The following DNHD1 variants were observed in gnomAD, a reference collection of about 807,000 sequenced individuals.
DNHD1 encodes the protein dynein heavy chain domain 1.
A neutral mutation model predicts 458.1 loss-of-function variants in DNHD1; 383 were observed. The ratio of observed to expected loss-of-function variants is 0.84; its 90% CI spans 0.77 to 0.91. The LOEUF is 0.91. DNHD1 is among the 40% of genes least tolerant of loss of function. The probability of loss-of-function intolerance (pLI) is 0.00; values close to 1 mark genes in which losing one functional copy is unlikely to be tolerated. For missense variants in DNHD1, 5,336 were observed against 5,866.1 expected, an observed-to-expected ratio of 0.91 and a Z score of 2.95; for synonymous variants, 2,203 against 2,376.9, an observed-to-expected ratio of 0.93 and a Z score of 2.13.
chr11:6,552,434 G>C (rs1853375374), intron 24 of DNHD1, among the ~76,000 whole-genome samples: 1 of 152,102 alleles, frequency 6.6e-6, no homozygotes, highest in African/African-American at 2.4e-5. Context: ...TGAGGCAGGA[G>C]AATCGCTTGA....
At chr11:6,512,219 T>C (rs1227203569) in intron 7 of DNHD1, among the ~76,000 whole-genome samples, 2 of 65,102 alleles carry the variant, frequency 3.1e-5, no homozygotes, top group African/African-American at 1.1e-4. Flanking sequence ...TTCTTTTTTT[T>C]TTTTTTTTTT....
chr11:6,546,262 A>G lies in DNHD1; in HGVS notation c.5323A>G (p.Ser1775Gly). ...GTACCAGGAGGCTTCCCGAAACACA[A>G]GCACCATAGACCCCACCCAGCCCCA... The part of the protein sequence containing the change: ...PLYQEASRNT[S>G]TIDPTQPQLL... Residue 1775 changes from serine to glycine, a missense_variant, in exon 21 of 43, where the codon AGC (serine) becomes GGC (glycine). Physicochemically the swap from Ser to Gly is moderately conservative, Grantham distance 56 (BLOSUM62 0). Transcript: ENST00000254579. 3.9e-6 allele frequency: 6 copies of G among 1,552,352 alleles called. No individual in the cohort carries two copies. Among genetic ancestry groups the G allele is most frequent in the Non-Finnish European group, 5.2e-6 (6 of 1,147,146 alleles).
At chr11:6,517,652 C>CTTTTTTTTTTTTTTTTTTT (rs59300977) in intron 7 of DNHD1, among the ~76,000 whole-genome samples, 2 of 59,066 alleles carry the variant, frequency 3.4e-5, no homozygotes, top group African/African-American at 5.5e-5. Flanking sequence ...TCTAGGACTT[C>CTTTTTTTTTTTTTTTTTTT]TTTTTTTTTT....
In DNHD1 at chr11:6,567,094, AG is replaced by A. The variant is rs781586881; in HGVS notation, c.11587del (p.Ala3863ProfsTer2). 1 of 1,614,042 alleles carries A rather than the reference AG, an allele frequency of 6.2e-7. No homozygotes were observed. The highest frequency in any genetic ancestry group is 1.1e-5 in the South Asian group (1 of 91,088). On this transcript the variant is annotated frameshift_variant, in exon 36 of 43. Coordinates refer to ENST00000254579, the MANE Select transcript of DNHD1 (RefSeq NM_144666.3). LOFTEE classifies it high-confidence loss of function. The stretch of plus-strand genomic sequence containing the variant: ...GTTTGGCATGGAATGGCCATGGTAA[AG>A]GCCCTAAGCCAACTGCAGAACCTGC... The part of the protein sequence containing the change: ...PVVWHGMAMV[K>X]ALSQLQNLLP...
intron 33 of DNHD1, 120 bp downstream of exon 33, chr11:6,566,111 T>C: frequency 6.8e-7 from 1 of 1,467,234 alleles, no homozygotes; most frequent in Non-Finnish European, 9.1e-7. Context: ...GCACTAACTA[T>C]ATTGAAGCGT....
intron 7 of DNHD1, among the ~76,000 whole-genome samples, chr11:6,511,961 G>A (rs1294650194): frequency 1.3e-5 from 2 of 152,132 alleles, no homozygotes; most frequent in African/African-American, 4.8e-5. Context: ...TTGTCAGGTG[G>A]GGCTGGATAT....
At chr11:6,532,046 T>A (rs905291705) in intron 12 of DNHD1, among the ~76,000 whole-genome samples, 1 of 152,178 alleles carries the variant, frequency 6.6e-6, no homozygotes, top group Non-Finnish European at 1.5e-5. Flanking sequence ...TGTAAAATAA[T>A]AGTATTTACT....
At chr11:6,512,164 GTC>G (rs1327663760) in intron 7 of DNHD1, among the ~76,000 whole-genome samples, 2 of 148,874 alleles carry the variant, frequency 1.3e-5, no homozygotes, top group African/African-American at 5.0e-5. Context: ...GAACTCTGAA[GTC>G]TCAAAAATGG....
Position 6,547,262 on chromosome 11 carries a change from T to C in DNHD1, c.6323T>C (p.Leu2108Pro). Residue 2108 changes from leucine (L) to proline (P), a missense_variant, in exon 21 of 43, where the codon CTT becomes CCT. Coordinates refer to ENST00000254579, the MANE Select transcript of DNHD1 (RefSeq NM_144666.3). ...ITCLLSELPQ[L>P]SLPSGQQIAR... ...TGCCTCCTGAGTGAGCTTCCCCAGC[T>C]TAGTCTCCCCAGTGGACAGCAGATA... 1.9e-6 allele frequency: 3 copies of C among 1,551,790 alleles called. No homozygotes were observed. The highest frequency in any genetic ancestry group is 2.6e-6 in the Non-Finnish European group (3 of 1,146,956).
chr11:6,566,105 T>C, intron 33 of DNHD1, 114 bp downstream of exon 33: 1 of 1,475,042 alleles, frequency 6.8e-7, no homozygotes, highest in South Asian at 1.3e-5. Flanking sequence ...TCCCAGGCAC[T>C]AACTATATTG....
chr11:6,545,804 G>A lies in DNHD1; in HGVS notation c.4865G>A (p.Ser1622Asn). The part of the protein sequence containing the change: ...PHIIPKSPLQ[S>N]LKTIASSEPS... ...ATAATCCCCAAAAGCCCCCTACAGA[G>A]TCTTAAGACTATTGCATCTTCTGAA... The change falls in exon 21 of 43, where the codon AGT (serine) becomes AAT (asparagine). Residue 1622 changes from serine to asparagine, a missense_variant. This residue lies in a region of DNHD1 where 3,932 missense variants were observed against 4,365.6 expected (regional missense o/e 0.90). Transcript: ENST00000254579. This position sits in a 1 kb window ranked among gnomAD's most constrained non-coding sequence, Gnocchi z 4.9. 6.4e-7 allele frequency: 1 copy of A among 1,551,882 alleles called. No homozygotes were observed. Among genetic ancestry groups the A allele is most frequent in the Non-Finnish European group, 8.7e-7 (1 of 1,147,028 alleles).
Position 6,570,883 on chromosome 11 carries a change from G to T in DNHD1, c.13371G>T (p.Leu4457=), listed in dbSNP as rs567123026. Residue 4457 remains leucine, a synonymous_variant, in exon 42 of 43, where the codon CTG becomes CTT. Coordinates refer to ENST00000254579, the MANE Select transcript of DNHD1 (RefSeq NM_144666.3). ...NRRLESLQDL[L]THVIRQDESD... ...GGCTGGAGTCACTGCAGGATCTGCT[G>T]ACCCACGTGATTCGCCAAGACGAGT... is the stretch of plus-strand genomic sequence containing the variant. 4.3e-6 allele frequency: 7 copies of T among 1,613,976 alleles called. No homozygotes were observed. In the South Asian group the frequency reaches 6.6e-5, roughly 15 times the overall value.
chr11:6,544,580 T>C lies in DNHD1; in HGVS notation c.3761T>C (p.Leu1254Pro). The change falls in exon 20 of 43, where the codon CTG becomes CCG. Residue 1254 changes from leucine (L) to proline (P), a missense_variant. Physicochemically the swap from Leu to Pro is moderately conservative, Grantham distance 98. This residue lies in a region of DNHD1 where 3,932 missense variants were observed against 4,365.6 expected (regional missense o/e 0.90). Coordinates refer to ENST00000254579, the MANE Select transcript of DNHD1 (RefSeq NM_144666.3). The stretch of plus-strand genomic sequence containing the variant: ...CCTCTGGCTGCTTACACAGGTGCCC[T>C]GCTGGAGGTGTGGCTGACTTTCCAG... ...WVAIMHGLGA[L>P]LEVWLTFQQK... The C allele has an allele frequency of 6.4e-7, 1 of 1,551,398 alleles. No homozygotes were observed. Among genetic ancestry groups the C allele is most frequent in the Non-Finnish European group, 8.7e-7 (1 of 1,146,846 alleles).
intron 13 of DNHD1, 106 bp downstream of exon 13, chr11:6,533,290 G>T: frequency 8.4e-7 from 1 of 1,185,432 alleles, no homozygotes; most frequent in East Asian, 2.7e-5. Flanking sequence ...AGAGCTTGAT[G>T]CTCTTAAACT....
At position 6,498,729 on chromosome 11, in the gene DNHD1, T is replaced by C. The variant is rs750308743; in HGVS notation, c.514T>C (p.Trp172Arg). The stretch of plus-strand genomic sequence containing the variant: ...AGCTTGCCCTTTTGTGCAGGCCCAG[T>C]GGAGCAGGCAGCAAGTAAAGGAGGA... ...CPACPFVQAQWSRQQVKEELA... is the reference protein window; with the variant it reads ...CPACPFVQAQRSRQQVKEELA... The change falls in exon 3 of 43, where the codon TGG becomes CGG. Residue 172 changes from tryptophan to arginine, a missense_variant. Trp to Arg is a moderately radical substitution (Grantham distance 101). This residue lies in a region of DNHD1 where 3,932 missense variants were observed against 4,365.6 expected (regional missense o/e 0.90). Transcript: ENST00000254579. 1 of 1,614,146 alleles carries C rather than the reference T, an allele frequency of 6.2e-7. No homozygotes were observed. The highest frequency in any genetic ancestry group is 8.5e-7 in the Non-Finnish European group (1 of 1,180,010).
At chr11:6,512,772 G>T (rs192117364) in intron 7 of DNHD1, among the ~76,000 whole-genome samples, 3 of 151,944 alleles carry the variant, frequency 2.0e-5, no homozygotes, top group Non-Finnish European at 4.4e-5. Flanking sequence ...ATGATAGGTT[G>T]TAACCTCCAC....
Position 6,567,209 on chromosome 11 carries a change from G to A in DNHD1, c.11700G>A (p.Gly3900=). 6 of 1,614,008 alleles carry A rather than the reference G, an allele frequency of 3.7e-6. No homozygotes were observed. The highest frequency in any genetic ancestry group is 5.1e-6 in the Non-Finnish European group (6 of 1,179,908). ...TGAAGCCACGTGAGATTAATCACGGGGAGGACCTGGCCAGCCATCTACTGC... is the reference window on the plus strand; with the variant it reads ...TGAAGCCACGTGAGATTAATCACGGAGAGGACCTGGCCAGCCATCTACTGC... The part of the protein sequence containing the change: ...DSMKPREINH[G]EDLASHLLQL... Residue 3900 remains glycine (G), a synonymous_variant, in exon 36 of 43, where the codon GGG becomes GGA. Coordinates refer to ENST00000254579, the MANE Select transcript of DNHD1 (RefSeq NM_144666.3).
rs1441086818 is a variant in DNHD1, at chr11:6,528,733, G to A, written c.2049G>A (p.Leu683=). 6.4e-7 allele frequency: 1 copy of A among 1,551,768 alleles called. No individual in the cohort carries two copies. The highest frequency in any genetic ancestry group is 8.7e-7 in the Non-Finnish European group (1 of 1,147,018). The change falls in exon 11 of 43, where the codon CTG becomes CTA. Residue 683 remains leucine (L), a synonymous_variant. Transcript: ENST00000254579. ...PHNYKQLEED[L]DNNPKIQQAL... is the part of the protein sequence containing the mutation. Reference sequence around the variant, plus strand: ...ATTATAAGCAGCTGGAGGAAGACCTGGACAACAACCCTAAGATCCAGCAGG... The same window carrying A: ...ATTATAAGCAGCTGGAGGAAGACCTAGACAACAACCCTAAGATCCAGCAGG...
intron 28 of DNHD1, among the ~76,000 whole-genome samples, chr11:6,562,117 A>G (rs556355880): frequency 2.0e-5 from 3 of 152,178 alleles, no homozygotes; most frequent in Admixed American, 2.0e-4. Context: ...AGTGACTGAC[A>G]TTGGGAAGGG....
Sources: allele counts gnomAD v4.1 joint callset (sites outside exome capture counted in the v4.1 genomes callset), GRCh38; gene constraint gnomAD v4.1.1; regional missense constraint gnomAD v4.1.1; non-coding constraint Gnocchi (gnomAD v3.1); transcripts MANE v1.5; gene names NCBI Gene and HGNC (gene_info 2026-07-23, HGNC 2026-07-21).